The following CSMD1 variants were observed in gnomAD, a reference collection of about 807,000 sequenced individuals.
The protein encoded by CSMD1 is CUB and sushi domain-containing protein 1.
CSMD1 carries 213 observed loss-of-function variants against 417.5 expected under a neutral mutation model. That is an observed-to-expected ratio of 0.51 (90% CI 0.46 to 0.57). CSMD1 has a LOEUF of 0.57. CSMD1 is among the 20% of genes least tolerant of loss of function. The pLI is 0.00. For missense variants in CSMD1, 6,923 were observed against 4,529.7 expected (o/e 1.53, Z -15.17); for synonymous variants, 2,862 against 1,736.8 (o/e 1.65, Z -16.11).
At chr8:4,066,842 C>T (rs915018752) in intron 3 of CSMD1, among the ~76,000 whole-genome samples, 1 of 152,212 alleles carries the variant, frequency 6.6e-6, no homozygotes, top group Admixed American at 6.5e-5. Context: ...CACAAACACA[C>T]ACAGTAGCCT....
chr8:3,929,936 A>G (rs934528013), intron 5 of CSMD1, among the ~76,000 whole-genome samples: 20 of 150,494 alleles, frequency 1.3e-4, no homozygotes, highest in African/African-American at 4.9e-4. Context: ...CGCTGGGATT[A>G]CAGGCCTCAT....
chr8:3,046,732 C>T (rs1318941445), intron 50 of CSMD1, among the ~76,000 whole-genome samples: 3 of 152,192 alleles, frequency 2.0e-5, no homozygotes, highest in Non-Finnish European at 4.4e-5. Flanking sequence ...CAGCTGAAGA[C>T]TTCCAACACT....
At chr8:4,554,581 G>C (rs892030896) in intron 2 of CSMD1, among the ~76,000 whole-genome samples, 1 of 152,158 alleles carries the variant, frequency 6.6e-6, no homozygotes, top group African/African-American at 2.4e-5. Context: ...AGCTGTATAT[G>C]ACATTTAAAT....
At chr8:4,968,063 G>C (rs1039369862) in intron 1 of CSMD1, among the ~76,000 whole-genome samples, 3 of 151,980 alleles carry the variant, frequency 2.0e-5, no homozygotes, top group Non-Finnish European at 2.9e-5. Flanking sequence ...AGAGTTCTTA[G>C]GTTAGCTGAG....
chr8:4,437,065 G>T (rs553408054), intron 2 of CSMD1, among the ~76,000 whole-genome samples: 1 of 152,062 alleles, frequency 6.6e-6, no homozygotes, highest in Non-Finnish European at 1.5e-5. Context: ...AATTTAATGG[G>T]ACAGGCTATG....
At chr8:4,090,701 C>T (rs1421948001) in intron 3 of CSMD1, among the ~76,000 whole-genome samples, 1 of 152,102 alleles carries the variant, frequency 6.6e-6, no homozygotes, top group South Asian at 2.1e-4. Flanking sequence ...CTAGTAGGTT[C>T]TAGTGGAGTT....
chr8:4,109,649 G>A (rs757727633), intron 3 of CSMD1, among the ~76,000 whole-genome samples: 2 of 152,128 alleles, frequency 1.3e-5, no homozygotes, highest in African/African-American at 2.4e-5. Context: ...TGGCAACCTT[G>A]TAAGTTTGTT....
chr8:3,872,389 T>C (rs1377998796), intron 5 of CSMD1, among the ~76,000 whole-genome samples: 4 of 152,174 alleles, frequency 2.6e-5, no homozygotes, highest in Admixed American at 6.6e-5. Context: ...TCAGTGACTC[T>C]CAACTGTTCA....
intron 17 of CSMD1, among the ~76,000 whole-genome samples, chr8:3,390,354 CAAAAAAAAAAAAA>C (rs35292914): frequency 3.1e-5 from 2 of 64,262 alleles, no homozygotes; most frequent in South Asian, 9.8e-4. Flanking sequence ...GACTCTGTCT[CAAAAAAAAAAAAA>C]AAAAAAAAAA....
chr8:4,537,656 C>T (rs78171347), intron 2 of CSMD1, among the ~76,000 whole-genome samples: 3,157 of 152,202 alleles, frequency 0.021, 88 homozygotes, highest in African/African-American at 0.066. Context: ...CATTGATTTG[C>T]ATTACTTTCA....
intron 1 of CSMD1, among the ~76,000 whole-genome samples, chr8:4,782,196 C>A (rs1206966972): frequency 6.6e-6 from 1 of 152,148 alleles, no homozygotes; most frequent in Non-Finnish European, 1.5e-5. Flanking sequence ...TTCTATTGCA[C>A]AGTAGAGTGA....
At position 3,386,353 on chromosome 8, in the gene CSMD1, C is replaced by G. The variant is rs1309470868; in HGVS notation, c.2782+1141G>C. Among the ~76,000 whole-genome samples the G allele has an allele frequency of 2.6e-5, 4 of 152,294 alleles. No individual in the cohort carries two copies. The South Asian group carries it at 8.3e-4, about 32-fold the overall frequency. ...ACGCCGAACTCGACTCCCACCTACT[C>G]CTGCCCAGAGTGCAGCATTCCCACC... On this transcript the variant is annotated intron_variant, in intron 18 of 69. Transcript: ENST00000635120.
chr8:4,526,361 G>A (rs1472360217), intron 2 of CSMD1, among the ~76,000 whole-genome samples: 1 of 152,240 alleles, frequency 6.6e-6, no homozygotes, highest in South Asian at 2.1e-4. Flanking sequence ...CGCTGACCAT[G>A]AAGATCGTGG....
intron 3 of CSMD1, among the ~76,000 whole-genome samples, chr8:4,200,806 T>A (rs1053530040): frequency 5.3e-5 from 8 of 152,320 alleles, no homozygotes; most frequent in Middle Eastern, 6.8e-3. Flanking sequence ...TTCAGTGAAC[T>A]ATTGTTAGGC....
intron 2 of CSMD1, among the ~76,000 whole-genome samples, chr8:4,458,887 C>A (rs912722129): frequency 6.6e-6 from 1 of 152,130 alleles, no homozygotes; most frequent in Non-Finnish European, 1.5e-5. Context: ...GTGAAACAAG[C>A]ACAATGGGTG....
At chr8:3,816,626 G>C (rs1457821884) in intron 5 of CSMD1, among the ~76,000 whole-genome samples, 1 of 152,060 alleles carries the variant, frequency 6.6e-6, no homozygotes, top group African/African-American at 2.4e-5. Flanking sequence ...AAACAGAAGA[G>C]AATAATTTGG....
chr8:4,739,656 G>C (rs1810471144), intron 1 of CSMD1, among the ~76,000 whole-genome samples: 1 of 152,178 alleles, frequency 6.6e-6, no homozygotes, highest in African/African-American at 2.4e-5. Context: ...GCCACAGGCG[G>C]ACAGTCCACA....
chr8:3,918,150 A>G (rs1395603292), intron 5 of CSMD1, among the ~76,000 whole-genome samples: 1 of 152,118 alleles, frequency 6.6e-6, no homozygotes, highest in African/African-American at 2.4e-5. Flanking sequence ...CTGCTCCAGT[A>G]AACATGGGAG....
intron 2 of CSMD1, among the ~76,000 whole-genome samples, chr8:4,546,692 C>G (rs146919478): frequency 6.6e-6 from 1 of 152,268 alleles, no homozygotes; most frequent in African/African-American, 2.4e-5. Context: ...GATAGCAGAT[C>G]ATGAGACGTC....
Sources: gnomAD v4.1 joint callset for allele counts (sites outside exome capture counted in the v4.1 genomes callset) on GRCh38, gnomAD v4.1.1 for gene constraint, MANE v1.5 for transcripts, NCBI Gene and HGNC (gene_info 2026-07-23, HGNC 2026-07-21) for gene names.